Variants in BAZ2B observed in about 807,000 individuals in gnomAD.
The protein encoded by BAZ2B is bromodomain adjacent to zinc finger domain protein 2B.
In BAZ2B, 91 loss-of-function variants were observed where a neutral mutation model predicts 246.0. The observed-to-expected ratio is 0.37, with a 90% CI of 0.31 to 0.44. The LOEUF (loss-of-function observed/expected upper bound fraction) is 0.44. Among genes scored for constraint, BAZ2B ranks in the 20% least tolerant of loss-of-function variants. BAZ2B has a pLI of 1.00. For missense variants in BAZ2B, 2,332 were observed against 2,533.7 expected, an observed-to-expected ratio of 0.92 and a Z score of 1.71; for synonymous variants, 855 against 860.0, an observed-to-expected ratio of 0.99 and a Z score of 0.10.
At position 159,320,290 on chromosome 2, in the gene BAZ2B, C is replaced by T; in HGVS notation, c.6482G>A (p.Trp2161Ter). 6.4e-7 allele frequency: 1 copy of T among 1,558,798 alleles called. No individual in the cohort carries two copies. The highest frequency in any genetic ancestry group is 8.6e-7 in the Non-Finnish European group (1 of 1,164,978). The change falls in exon 37 of 37, where the codon TGG becomes TAG. Residue 2161 changes from tryptophan to a stop codon, truncating the protein, a stop_gained. Coordinates refer to ENST00000392783, the MANE Select transcript of BAZ2B (RefSeq NM_013450.4). LOFTEE classifies it high-confidence loss of function. ...TCAGCTCACTTTGAAAGTATCTGTCCACTTTTTTTCAAAATACTTCCTCAT... is the reference window on the plus strand; with the variant it reads ...TCAGCTCACTTTGAAAGTATCTGTCTACTTTTTTTCAAAATACTTCCTCAT... ...HNMRKYFEKKWTDTFKVS is the reference protein window; with the variant it reads ...HNMRKYFEKK
chr2:159,365,045 C>T (rs1260818434), intron 27 of BAZ2B, among the ~76,000 whole-genome samples: 2 of 152,172 alleles, frequency 1.3e-5, no homozygotes, highest in Admixed American at 6.5e-5. Flanking sequence ...TTTGGGGTTA[C>T]TGTGTCTCCT....
chr2:159,386,159 CT>C (rs2062632128), intron 22 of BAZ2B, among the ~76,000 whole-genome samples, 193 bp downstream of exon 22: 1 of 152,096 alleles, frequency 6.6e-6, no homozygotes, highest in Non-Finnish European at 1.5e-5. Context: ...TGAGAATGGT[CT>C]ACATTCCTTA....
intron 2 of BAZ2B, among the ~76,000 whole-genome samples, chr2:159,487,554 A>AC (rs2150994790): frequency 6.6e-6 from 1 of 152,260 alleles, no homozygotes; most frequent in East Asian, 1.9e-4. Context: ...ACCACTGCCC[A>AC]CGGTATCTTA....
At chr2:159,569,043 A>G (rs1189405772) in intron 1 of BAZ2B, among the ~76,000 whole-genome samples, 6 of 152,172 alleles carry the variant, frequency 3.9e-5, no homozygotes, top group Admixed American at 2.0e-4. Flanking sequence ...CATTTACTAA[A>G]TAACAGTTAA....
intron 27 of BAZ2B, among the ~76,000 whole-genome samples, chr2:159,351,927 G>A (rs2058606548): frequency 1.3e-5 from 2 of 152,132 alleles, no homozygotes; most frequent in African/African-American, 4.8e-5. Flanking sequence ...ACACTTCAGG[G>A]GTAGCCATGG....
Position 159,411,990 on chromosome 2 carries a change from C to T in BAZ2B, c.2677+345G>A, listed in dbSNP as rs570880264. On this transcript the variant is annotated intron_variant, in intron 14 of 36. Transcript: ENST00000392783. ...ATTCCCATGTACCACCTCAAGGAATCGGGAGCTGTTAAAATGAGAATTTCC... is the reference window on the plus strand; with the variant it reads ...ATTCCCATGTACCACCTCAAGGAATTGGGAGCTGTTAAAATGAGAATTTCC... 3.3e-4 allele frequency: 326 copies of T among 984,864 alleles called. 1 individual carries two copies. Among genetic ancestry groups the T allele is most frequent in the Non-Finnish European group, 3.7e-4 (308 of 829,590 alleles). 61.0% of individuals were successfully genotyped at this position (984,864 alleles called of 1,614,324 possible). A position where few individuals can be genotyped will look rare whatever the true frequency, so the allele number is the denominator to read the frequency against.
chr2:159,686,543 G>A, the BAZ2B span, among the ~76,000 whole-genome samples: 2 of 152,040 alleles, frequency 1.3e-5, no homozygotes, highest in Non-Finnish European at 2.9e-5. Context: ...ACAGACCAGA[G>A]GAGATTTGAG....
chr2:159,577,138 G>C (rs1685543448), intron 1 of BAZ2B, among the ~76,000 whole-genome samples: 1 of 147,378 alleles, frequency 6.8e-6, no homozygotes, highest in Non-Finnish European at 1.5e-5. Context: ...TGAGGCAGGA[G>C]GATCACTTGA....
chr2:159,417,969 G>C (rs1479285609), intron 13 of BAZ2B, among the ~76,000 whole-genome samples: 2 of 152,198 alleles, frequency 1.3e-5, no homozygotes, highest in Non-Finnish European at 2.9e-5. Context: ...AAAGAGAGAT[G>C]AATAGTACAT....
chr2:159,708,933 A>G, the BAZ2B span, among the ~76,000 whole-genome samples: 1 of 152,202 alleles, frequency 6.6e-6, no homozygotes, highest in Non-Finnish European at 1.5e-5. Context: ...GTCAACCAAC[A>G]GAATTTTTTG....
chr2:159,575,377 G>C (rs999217442), intron 1 of BAZ2B, among the ~76,000 whole-genome samples: 1 of 152,164 alleles, frequency 6.6e-6, no homozygotes, highest in Non-Finnish European at 1.5e-5. Context: ...ATAAAAAATA[G>C]AAGTGAAGTC....
At chr2:159,632,504 T>C in the BAZ2B span, among the ~76,000 whole-genome samples, 4 of 152,352 alleles carry the variant, frequency 2.6e-5, no homozygotes, top group East Asian at 7.7e-4. Flanking sequence ...CTATTATGTA[T>C]GCACTTGAGG....
At chr2:159,397,108 A>G in intron 19 of BAZ2B, 1 of 1,457,294 alleles carries the variant, frequency 6.9e-7, no homozygotes, top group Non-Finnish European at 9.2e-7. Flanking sequence ...CTCCTGGTAG[A>G]AAGAGTTGGC....
chr2:159,681,665 T>C, the BAZ2B span, among the ~76,000 whole-genome samples: 1 of 152,206 alleles, frequency 6.6e-6, no homozygotes, highest in Non-Finnish European at 1.5e-5. Context: ...GTGTGGTGGC[T>C]CACGCCTGTA....
At chr2:159,691,003 T>A in the BAZ2B span, among the ~76,000 whole-genome samples, 2 of 152,150 alleles carry the variant, frequency 1.3e-5, no homozygotes, top group African/African-American at 4.8e-5. Context: ...ATTATGATGA[T>A]GACTTTAAGG....
chr2:159,496,783 CAAAAAAAAAAAAAAAAAAA>C (rs10713062), intron 2 of BAZ2B, among the ~76,000 whole-genome samples: 2 of 64,202 alleles, frequency 3.1e-5, no homozygotes, highest in East Asian at 1.1e-3. Flanking sequence ...AACTCCGTCT[CAAAAAAAAAAAAAAAAAAA>C]AAAAAAAAAA....
At chr2:159,348,600 G>T in intron 30 of BAZ2B, 78 bp downstream of exon 30, 1 of 1,473,516 alleles carries the variant, frequency 6.8e-7, no homozygotes, top group Non-Finnish European at 9.0e-7. Flanking sequence ...CCAATAGACT[G>T]TACTAAAATA....
the BAZ2B span, among the ~76,000 whole-genome samples, chr2:159,683,642 C>T: frequency 5.7e-4 from 87 of 152,116 alleles, no homozygotes; most frequent in African/African-American, 1.8e-3. Flanking sequence ...AGGCTAAAAT[C>T]AAGGTGTTAA....
the BAZ2B span, among the ~76,000 whole-genome samples, chr2:159,671,722 G>A: frequency 6.6e-6 from 1 of 152,104 alleles, no homozygotes; most frequent in African/African-American, 2.4e-5. Context: ...TTTATATAAT[G>A]AAGACCAAAC....
Sources: gnomAD v4.1 joint callset for allele counts (sites outside exome capture counted in the v4.1 genomes callset) on GRCh38, gnomAD v4.1.1 for gene constraint, MANE v1.5 for transcripts, NCBI Gene and HGNC (gene_info 2026-07-23, HGNC 2026-07-21) for gene names.